PDZK1: variants seen among roughly 807,000 people sequenced by gnomAD.
PDZK1 encodes PDZ domain containing 1, also known as Na(+)/H(+) exchange regulatory cofactor NHE-RF3.
In PDZK1, 23 loss-of-function variants were observed where a neutral mutation model predicts 38.1. The ratio of observed to expected loss-of-function variants is 0.60; its 90% CI spans 0.43 to 0.85. The LOEUF is 0.85. Among genes scored for constraint, PDZK1 ranks in the 40% least tolerant of loss-of-function variants. The pLI, the probability that PDZK1 is intolerant of heterozygous loss-of-function variation, is 0.00. For synonymous variants in PDZK1, 98 were observed against 186.2 expected (o/e 0.53, Z 3.86); for missense variants, 297 against 504.3 (o/e 0.59, Z 3.94).
intron 1 of PDZK1, among the ~76,000 whole-genome samples, chr1:145,701,787 T>G (rs587743109): frequency 6.6e-6 from 1 of 152,308 alleles, no homozygotes; most frequent in Admixed American, 6.5e-5. Context: ...GACAGATGTC[T>G]CTAGCAAGGA....
intron 5 of PDZK1, among the ~76,000 whole-genome samples, chr1:145,680,306 A>C (rs587706845): frequency 9.0e-4 from 137 of 152,296 alleles, no homozygotes; most frequent in African/African-American, 3.2e-3. Flanking sequence ...ATGTAAACAG[A>C]GAGTGAAAAG....
intron 1 of PDZK1, among the ~76,000 whole-genome samples, chr1:145,703,519 T>C (rs1656083194): frequency 6.6e-6 from 1 of 152,076 alleles, no homozygotes; most frequent in Admixed American, 6.5e-5. Flanking sequence ...CCCCTGACTA[T>C]TTGGATAAGC....
intron 2 of PDZK1, among the ~76,000 whole-genome samples, chr1:145,687,277 T>G (rs1441109961): frequency 6.6e-6 from 1 of 150,604 alleles, no homozygotes; most frequent in Non-Finnish European, 1.5e-5. Flanking sequence ...CACTGCACTT[T>G]GGGAGGCCGA....
intron 1 of PDZK1, among the ~76,000 whole-genome samples, chr1:145,694,517 C>T (rs943064677): frequency 2.0e-5 from 3 of 152,174 alleles, no homozygotes; most frequent in South Asian, 4.1e-4. Context: ...ATGCAAAACA[C>T]TGTCAAGTGG....
intron 3 of PDZK1, among the ~76,000 whole-genome samples, chr1:145,683,877 C>T (rs2266412): frequency 1.2e-4 from 18 of 148,632 alleles, no homozygotes; most frequent in Non-Finnish European, 2.1e-4. Flanking sequence ...GATGGAGTCT[C>T]GCTCTGTCAC....
At chr1:145,685,831 G>A (rs2624705) in intron 3 of PDZK1, among the ~76,000 whole-genome samples, 1 of 152,170 alleles carries the variant, frequency 6.6e-6, no homozygotes, top group Non-Finnish European at 1.5e-5. Flanking sequence ...AACTTCTGGT[G>A]CTTCCTGATG....
chr1:145,690,145 G>A (rs1363279881), intron 1 of PDZK1, among the ~76,000 whole-genome samples: 3 of 152,194 alleles, frequency 2.0e-5, no homozygotes, highest in Non-Finnish European at 4.4e-5. Flanking sequence ...TGGGATGAAA[G>A]GAGAAAATAT....
At chr1:145,697,318 G>C (rs1277550940) in intron 1 of PDZK1, among the ~76,000 whole-genome samples, 1 of 151,804 alleles carries the variant, frequency 6.6e-6, no homozygotes, top group Non-Finnish European at 1.5e-5. Flanking sequence ...CAGAGTGAGT[G>C]AGACAGAAAG....
chr1:145,697,911 C>T (rs1445625218), intron 1 of PDZK1, among the ~76,000 whole-genome samples: 6 of 151,438 alleles, frequency 4.0e-5, no homozygotes, highest in African/African-American at 1.5e-4. Context: ...AGCCACTGCA[C>T]CCAGCCTGGA....
At chr1:145,696,280 G>T (rs139326732) in intron 1 of PDZK1, among the ~76,000 whole-genome samples, 1 of 152,164 alleles carries the variant, frequency 6.6e-6, no homozygotes, top group East Asian at 1.9e-4. Context: ...TCCCTGAACT[G>T]ATAACCCTGG....
rs782378347 is a variant in PDZK1, at chr1:145,672,821, G to C, written c.1415C>G (p.Ser472Cys). The C allele has an allele frequency of 2.5e-6, 4 of 1,611,570 alleles. No homozygotes were observed. The South Asian group carries it at 3.3e-5, about 13-fold the overall frequency. ...GGTGTCAAGTGGATCAGCCAGGGAG[G>C]AAACAATAGGGATTTTCTTAGCTTG... ...YFQAKKIPIV[S>C]SLADPLDTPP... Residue 472 changes from serine to cysteine, a missense_variant, in exon 8 of 9, where the codon TCC (serine) becomes TGC (cysteine). Ser to Cys is a moderately radical substitution (Grantham distance 112). Around this residue, in one of 5 missense-constraint regions of PDZK1, gnomAD observed 54 missense variants for 72.1 expected, o/e 0.75. Coordinates refer to ENST00000417171, the MANE Select transcript of PDZK1 (RefSeq NM_001201325.2).
At chr1:145,674,537 C>A (rs1197725685) in intron 6 of PDZK1, among the ~76,000 whole-genome samples, 6 of 152,186 alleles carry the variant, frequency 3.9e-5, no homozygotes, top group African/African-American at 1.2e-4. Flanking sequence ...GCTGGGATAC[C>A]CTCTTCCTCT....
intron 1 of PDZK1, among the ~76,000 whole-genome samples, chr1:145,702,502 A>G (rs1656016468): frequency 6.6e-6 from 1 of 151,656 alleles, no homozygotes; most frequent in Non-Finnish European, 1.5e-5. Flanking sequence ...TTTTTTTGGT[A>G]TGTTTAAACT....
At chr1:145,686,118 TTTATTCC>T (rs1293224766) in intron 3 of PDZK1, among the ~76,000 whole-genome samples, 52 of 152,142 alleles carry the variant, frequency 3.4e-4, no homozygotes, top group Admixed American at 3.4e-3. Flanking sequence ...TTTCTTGCCT[TTTATTCC>T]TTATTCTGCC....
chr1:145,696,746 G>C (rs758781249), intron 1 of PDZK1, among the ~76,000 whole-genome samples: 8 of 152,228 alleles, frequency 5.3e-5, no homozygotes, highest in South Asian at 2.1e-4. Context: ...GTGTTTGAAA[G>C]GGAATGTGTC....
In PDZK1 at chr1:145,686,544, G is replaced by A; in HGVS notation, c.393C>T (p.Thr131=). 1 of 1,611,698 alleles carries A rather than the reference G, an allele frequency of 6.2e-7. No homozygotes were observed. Among genetic ancestry groups the A allele is most frequent in the Non-Finnish European group, 8.5e-7 (1 of 1,179,798 alleles). Reference sequence around the variant, plus strand: ...TCACGAGATAGCAGAGCCGGGGCTGGGTCCAAGTTTGCACACCTCCATTCA... The same window carrying A: ...TCACGAGATAGCAGAGCCGGGGCTGAGTCCAAGTTTGCACACCTCCATTCA... ...PVMNGGVQTW[T]QPRLCYLVKE... is the part of the protein sequence containing the mutation. Residue 131 remains threonine, a synonymous_variant, in exon 3 of 9, where the codon ACC becomes ACT. Coordinates refer to ENST00000417171, the MANE Select transcript of PDZK1 (RefSeq NM_001201325.2).
At chr1:145,703,417 C>A (rs1656078297) in intron 1 of PDZK1, among the ~76,000 whole-genome samples, 2 of 152,054 alleles carry the variant, frequency 1.3e-5, no homozygotes, top group Admixed American at 6.6e-5. Context: ...GATTAGGAAC[C>A]AGCCTAGGTA....
At chr1:145,679,389 C>G (rs1290985115) in intron 5 of PDZK1, among the ~76,000 whole-genome samples, 1 of 152,172 alleles carries the variant, frequency 6.6e-6, no homozygotes, top group Non-Finnish European at 1.5e-5. Flanking sequence ...AGCATCCAGT[C>G]CCCATATCTA....
At chr1:145,688,731 C>T (rs1378680457) in intron 1 of PDZK1, among the ~76,000 whole-genome samples, 3 of 152,026 alleles carry the variant, frequency 2.0e-5, no homozygotes, top group African/African-American at 4.8e-5. Flanking sequence ...GAGGCCGAGG[C>T]GGGCAGATCA....
Sources: allele counts gnomAD v4.1 joint callset (sites outside exome capture counted in the v4.1 genomes callset), GRCh38; gene constraint gnomAD v4.1.1; regional missense constraint gnomAD v4.1.1; transcripts MANE v1.5; gene names NCBI Gene and HGNC (gene_info 2026-07-23, HGNC 2026-07-21).